Variants in IFT56 observed in about 807,000 individuals in gnomAD.
IFT56 encodes intraflagellar transport protein 56.
At chr7:139,153,602 G>A in the IFT56 span, among the ~76,000 whole-genome samples, 2 of 151,824 alleles carry the variant, frequency 1.3e-5, no homozygotes, top group African/African-American at 2.4e-5. Flanking sequence ...CTTTATGATC[G>A]GCATCTTTTA....
At chr7:139,175,794 A>T in the IFT56 span, among the ~76,000 whole-genome samples, 5 of 151,874 alleles carry the variant, frequency 3.3e-5, no homozygotes, top group African/African-American at 9.7e-5. Context: ...AAAAAAAATT[A>T]GAATTAATAA....
the IFT56 span, among the ~76,000 whole-genome samples, chr7:139,189,014 T>A: frequency 6.6e-6 from 1 of 152,278 alleles, no homozygotes; most frequent in South Asian, 2.1e-4. Context: ...AGAATAAGAA[T>A]AGAAATGGGA....
the IFT56 span, chr7:139,173,981 T>G: frequency 1.5e-6 from 1 of 649,054 alleles, no homozygotes. Context: ...AGGAACTGCT[T>G]AATGAATTTT....
the IFT56 span, among the ~76,000 whole-genome samples, chr7:139,146,636 A>G: frequency 6.6e-6 from 1 of 151,970 alleles, no homozygotes; most frequent in Non-Finnish European, 1.5e-5. Flanking sequence ...GCGTGGTGGC[A>G]TGCGCCTGTA....
At chr7:139,189,563 G>A in the IFT56 span, 1 of 647,084 alleles carries the variant, frequency 1.5e-6, no homozygotes, top group South Asian at 2.0e-5. Flanking sequence ...TAAGCCTCAA[G>A]GTCAGAGACT....
the IFT56 span, chr7:139,181,248 G>A: frequency 1.5e-6 from 2 of 1,359,710 alleles, no homozygotes; most frequent in Admixed American, 1.9e-5. Flanking sequence ...TTATCACATT[G>A]CTGCATTGGC....
chr7:139,147,011 T>C, the IFT56 span: 5 of 1,534,870 alleles, frequency 3.3e-6, no homozygotes, highest in East Asian at 1.2e-4. Flanking sequence ...ACAAAGAACC[T>C]AAGGGAAATA....
At chr7:139,170,958 C>T in the IFT56 span, among the ~76,000 whole-genome samples, 1 of 152,162 alleles carries the variant, frequency 6.6e-6, no homozygotes, top group Non-Finnish European at 1.5e-5. Context: ...AACCTAAAAA[C>T]TCCACCAAAA....
chr7:139,141,321 A>T, the IFT56 span, among the ~76,000 whole-genome samples: 5 of 151,400 alleles, frequency 3.3e-5, no homozygotes, highest in African/African-American at 1.2e-4. Context: ...GGCTATTCAT[A>T]GGTGTGAGCA....
chr7:139,166,733 T>C, the IFT56 span: 1 of 603,470 alleles, frequency 1.7e-6, no homozygotes, highest in Middle Eastern at 4.9e-4. Context: ...AAACAGATCA[T>C]ATTTCCCATG....
the IFT56 span, among the ~76,000 whole-genome samples, chr7:139,146,552 C>T: frequency 2.0e-5 from 3 of 152,034 alleles, no homozygotes; most frequent in South Asian, 2.1e-4. Context: ...CGGATCACGA[C>T]GTCAGGAGTT....
At chr7:139,168,581 A>AC in the IFT56 span, 1 of 539,026 alleles carries the variant, frequency 1.9e-6, no homozygotes, top group African/African-American at 2.1e-5. Flanking sequence ...AAAAAAAAAA[A>AC]CAAAAAAAAA....
the IFT56 span, among the ~76,000 whole-genome samples, chr7:139,188,093 TTTTC>T: frequency 3.0e-4 from 45 of 151,466 alleles, no homozygotes; most frequent in East Asian, 8.1e-3. Context: ...TTCTTTTTTT[TTTTC>T]TTTCTTTCTT....
the IFT56 span, among the ~76,000 whole-genome samples, chr7:139,170,649 C>T: frequency 6.6e-6 from 1 of 152,168 alleles, no homozygotes; most frequent in Non-Finnish European, 1.5e-5. Flanking sequence ...TTAAATTCAA[C>T]ATCCCTTTAT....
At chr7:139,141,464 T>G in the IFT56 span, among the ~76,000 whole-genome samples, 1 of 152,170 alleles carries the variant, frequency 6.6e-6, no homozygotes, top group Non-Finnish European at 1.5e-5. Context: ...AATTATTTCA[T>G]AGGTACTAAT....
chr7:139,162,541 A>C, the IFT56 span, among the ~76,000 whole-genome samples: 15 of 152,308 alleles, frequency 9.8e-5, no homozygotes, highest in African/African-American at 3.4e-4. Context: ...TTGTTAAAAA[A>C]CATCAACTTT....
chr7:139,139,877 C>G, the IFT56 span: 1 of 1,574,026 alleles, frequency 6.4e-7, no homozygotes, highest in Non-Finnish European at 8.7e-7. Context: ...TCACTGCTTA[C>G]TATATATTTC....
chr7:139,179,621 CCT>C, the IFT56 span: 5 of 1,613,978 alleles, frequency 3.1e-6, no homozygotes, highest in East Asian at 1.1e-4. Context: ...ATTACATTTA[CCT>C]CAGCTGGTTA....
At chr7:139,134,274 T>A in the IFT56 span, among the ~76,000 whole-genome samples, 1 of 80,762 alleles carries the variant, frequency 1.2e-5, no homozygotes, top group East Asian at 5.1e-4. Flanking sequence ...TGACTTATAA[T>A]TTTTTTTTTT....
Sources: allele counts gnomAD v4.1 joint callset (sites outside exome capture counted in the v4.1 genomes callset), GRCh38; gene constraint gnomAD v4.1.1; transcripts MANE v1.5; gene names NCBI Gene and HGNC (gene_info 2026-07-23, HGNC 2026-07-21).